The following CLSTN2 variants were observed in gnomAD, a reference collection of about 807,000 sequenced individuals.
CLSTN2 encodes calsyntenin-2.
A neutral mutation model predicts 101.2 loss-of-function variants in CLSTN2; 48 were observed. The ratio of observed to expected loss-of-function variants is 0.47; its 90% CI spans 0.38 to 0.60. The LOEUF is 0.60. CLSTN2 is among the 20% of genes least tolerant of loss of function. The pLI, the probability that CLSTN2 is intolerant of heterozygous loss-of-function variation, is 0.00. For synonymous variants in CLSTN2, 481 were observed against 463.6 expected (o/e 1.04, Z -0.48); for missense variants, 1,160 against 1,238.2 (o/e 0.94, Z 0.95).
chr3:140,380,250 G>A (rs1689446836), intron 2 of CLSTN2, among the ~76,000 whole-genome samples: 1 of 152,154 alleles, frequency 6.6e-6, no homozygotes, highest in Admixed American at 6.5e-5. Context: ...AGAGTCAGGA[G>A]ACCCCATCAT....
At chr3:140,254,538 A>G (rs1019365052) in intron 2 of CLSTN2, among the ~76,000 whole-genome samples, 2 of 152,180 alleles carry the variant, frequency 1.3e-5, no homozygotes, top group Admixed American at 1.3e-4. Context: ...TGTGTATCCT[A>G]TGTGGTCCTC....
chr3:140,428,410 T>G (rs978462080), intron 5 of CLSTN2, among the ~76,000 whole-genome samples: 2 of 152,336 alleles, frequency 1.3e-5, no homozygotes, highest in African/African-American at 4.8e-5. Flanking sequence ...ACTATCCCTT[T>G]ATGCAAAATT....
chr3:140,310,162 C>T (rs1264903469), intron 2 of CLSTN2, among the ~76,000 whole-genome samples: 1 of 152,142 alleles, frequency 6.6e-6, no homozygotes. Context: ...CTACAGCAGT[C>T]TCCCAACTTT....
intron 1 of CLSTN2, among the ~76,000 whole-genome samples, chr3:140,139,252 C>A (rs1048606146): frequency 3.3e-5 from 5 of 152,166 alleles, no homozygotes; most frequent in Non-Finnish European, 7.3e-5. Context: ...AGCTACTAAG[C>A]ATCTCTTGGC....
chr3:140,037,177 G>A (rs1043318041), intron 1 of CLSTN2, among the ~76,000 whole-genome samples: 20 of 151,962 alleles, frequency 1.3e-4, no homozygotes, highest in African/African-American at 3.9e-4. Flanking sequence ...TTTTGAGCCC[G>A]GAAACTTTCA....
intron 1 of CLSTN2, among the ~76,000 whole-genome samples, chr3:139,945,781 C>A (rs1175139778): frequency 1.3e-5 from 2 of 152,110 alleles, no homozygotes; most frequent in Non-Finnish European, 2.9e-5. Context: ...TGAAATATAA[C>A]CATTACAGAG....
chr3:140,446,885 T>C (rs1933093840), intron 5 of CLSTN2, among the ~76,000 whole-genome samples: 1 of 152,196 alleles, frequency 6.6e-6, no homozygotes, highest in African/African-American at 2.4e-5. Context: ...CAGCACAGGC[T>C]TATTCATCAC....
At chr3:140,074,846 AC>A (rs2008458683) in intron 1 of CLSTN2, among the ~76,000 whole-genome samples, 1 of 151,882 alleles carries the variant, frequency 6.6e-6, no homozygotes, top group African/African-American at 2.4e-5. Flanking sequence ...ACAGTGACCT[AC>A]CCCCACTGCA....
intron 4 of CLSTN2, among the ~76,000 whole-genome samples, chr3:140,418,416 TTCTATC>T: frequency 6.6e-6 from 1 of 152,300 alleles, no homozygotes; most frequent in Admixed American, 6.5e-5. Context: ...GTTAACTAAA[TTCTATC>T]TCTAATTGGT....
intron 2 of CLSTN2, among the ~76,000 whole-genome samples, chr3:140,311,302 T>A: frequency 9.6e-6 from 1 of 103,782 alleles, no homozygotes; most frequent in African/African-American, 4.2e-5. Context: ...TTTTTTTTTT[T>A]TTTTTTTTTT....
At chr3:139,979,016 A>G (rs1430709567) in intron 1 of CLSTN2, among the ~76,000 whole-genome samples, 1 of 152,110 alleles carries the variant, frequency 6.6e-6, no homozygotes, top group East Asian at 1.9e-4. Context: ...TAAGTGAAAT[A>G]TTCAAAAATA....
chr3:139,956,458 G>T (rs1935403967), intron 1 of CLSTN2, among the ~76,000 whole-genome samples: 1 of 152,146 alleles, frequency 6.6e-6, no homozygotes, highest in South Asian at 2.1e-4. Context: ...CTGGGCTTGG[G>T]TCGATGGAGA....
At chr3:140,167,826 T>G (rs766511469) in intron 1 of CLSTN2, among the ~76,000 whole-genome samples, 1 of 152,230 alleles carries the variant, frequency 6.6e-6, no homozygotes, top group Non-Finnish European at 1.5e-5. Flanking sequence ...TCTGACTTAT[T>G]TCACTTCATT....
chr3:140,431,259 C>A (rs1224780060), intron 5 of CLSTN2, among the ~76,000 whole-genome samples: 1 of 152,122 alleles, frequency 6.6e-6, no homozygotes, highest in Non-Finnish European at 1.5e-5. Context: ...GAAGACTGTC[C>A]ATCTTTCAGA....
At chr3:140,194,894 C>T (rs1180266686) in intron 2 of CLSTN2, among the ~76,000 whole-genome samples, 2 of 152,214 alleles carry the variant, frequency 1.3e-5, no homozygotes, top group Non-Finnish European at 2.9e-5. Context: ...TGATACAACC[C>T]CAGTGGGGAG....
At chr3:140,013,173 C>T (rs187758130) in intron 1 of CLSTN2, among the ~76,000 whole-genome samples, 39 of 152,346 alleles carry the variant, frequency 2.6e-4, no homozygotes, top group African/African-American at 8.9e-4. Context: ...AACCAGGTCT[C>T]TTCAGGCAAA....
intron 5 of CLSTN2, among the ~76,000 whole-genome samples, chr3:140,442,100 A>G (rs142338447): frequency 1.4e-4 from 22 of 152,070 alleles, no homozygotes; most frequent in African/African-American, 5.3e-4. Flanking sequence ...ATTTTCTAGT[A>G]TATATTCTGA....
intron 5 of CLSTN2, among the ~76,000 whole-genome samples, chr3:140,445,395 G>A (rs1044142121): frequency 2.6e-5 from 4 of 152,196 alleles, no homozygotes; most frequent in Non-Finnish European, 5.9e-5. Flanking sequence ...TGAGGAGGGT[G>A]TCTTGGGTTT....
chr3:140,553,689 A>T (rs1576624366), intron 10 of CLSTN2, among the ~76,000 whole-genome samples: 2 of 152,150 alleles, frequency 1.3e-5, no homozygotes, highest in African/African-American at 4.8e-5. Context: ...GAAGTGGAGG[A>T]AAAAAAGAGG....
Sources: gnomAD v4.1 joint callset for allele counts (sites outside exome capture counted in the v4.1 genomes callset) on GRCh38, gnomAD v4.1.1 for gene constraint, MANE v1.5 for transcripts, NCBI Gene and HGNC (gene_info 2026-07-23, HGNC 2026-07-21) for gene names.